Variants in THBS1 observed in about 807,000 individuals in gnomAD.
THBS1 encodes thrombospondin 1, also known as thrombospondin-1.
Under a neutral mutation model 126.1 loss-of-function variants are expected in THBS1, and 29 were observed. The ratio of observed to expected loss-of-function variants is 0.23; its 90% CI spans 0.17 to 0.31. THBS1 has a LOEUF of 0.31. Among genes scored for constraint, THBS1 ranks in the 10% least tolerant of loss-of-function variants. The pLI is 1.00. For synonymous variants in THBS1, 496 were observed against 577.8 expected (o/e 0.86, Z 2.03); for missense variants, 1,198 against 1,545.2 (o/e 0.78, Z 3.77).
intron 14 of THBS1, chr15:39,590,863 T>C (rs1010008413): frequency 1.8e-6 from 1 of 544,406 alleles, no homozygotes; most frequent in African/African-American, 1.9e-5. Context: ...GAAATTATAA[T>C]GCATAAACAA....
rs1890489592 is a variant in THBS1 at position 39,597,341 on chromosome 15, T to C, written c.*1972T>C. ...ATTTTTACTATTTGCCAATACCTTTTTCTAGGAATGTGCTTTTTTTTGTAC... is the reference window on the plus strand; with the variant it reads ...ATTTTTACTATTTGCCAATACCTTTCTCTAGGAATGTGCTTTTTTTTGTAC... On this transcript the variant is annotated 3_prime_UTR_variant, in exon 22 of 22. Transcript: ENST00000260356. 6.6e-6 allele frequency: 1 copy of C among 151,170 alleles called. No individual in the cohort carries two copies. Among genetic ancestry groups the C allele is most frequent in the Admixed American group, 6.6e-5 (1 of 15,210 alleles). 9.4% of individuals were successfully genotyped at this position (151,170 alleles called of 1,614,324 possible).
chr15:39,591,821 G>A (rs1382281421), intron 16 of THBS1, among the ~76,000 whole-genome samples, 198 bp downstream of exon 16: 2 of 152,164 alleles, frequency 1.3e-5, no homozygotes, highest in Admixed American at 1.3e-4. Flanking sequence ...CAGATCTTTA[G>A]CATGAAGATC....
intron 10 of THBS1, 107 bp downstream of exon 10, chr15:39,588,806 G>T (rs941724387): frequency 1.3e-6 from 2 of 1,563,938 alleles, no homozygotes; most frequent in Non-Finnish European, 1.7e-6. Flanking sequence ...TGAGCGATTT[G>T]ATTGCTCTAA....
chr15:39,586,078 C>T (rs1378906323), intron 7 of THBS1, among the ~76,000 whole-genome samples: 4 of 152,148 alleles, frequency 2.6e-5, no homozygotes, highest in East Asian at 1.9e-4. Flanking sequence ...TTCCATGGCA[C>T]GTTATCCCTG....
chr15:39,582,164 C>A, intron 2 of THBS1, 29 bp from the exon 3 acceptor site: 4 of 1,556,724 alleles, frequency 2.6e-6, no homozygotes, highest in Non-Finnish European at 3.5e-6. Flanking sequence ...GCCTAGAAAG[C>A]TCACTTTGTG....
At chr15:39,591,722 A>G (rs1211942659) in intron 16 of THBS1, 99 bp downstream of exon 16, 1 of 1,131,778 alleles carries the variant, frequency 8.8e-7, no homozygotes, top group Non-Finnish European at 1.3e-6. Flanking sequence ...AAACACTTTC[A>G]TTACTGTGGC....
At chr15:39,585,323 G>A (rs1346695779) in intron 6 of THBS1, 147 bp from the exon 7 acceptor site, 1 of 678,150 alleles carries the variant, frequency 1.5e-6, no homozygotes, top group Non-Finnish European at 2.6e-6. Flanking sequence ...CTGCAAATAT[G>A]ACAGAGACAG....
At chr15:39,585,386 T>C in intron 6 of THBS1, 84 bp from the exon 7 acceptor site, 1 of 1,278,382 alleles carries the variant, frequency 7.8e-7, no homozygotes. Context: ...ATGTTTTGGC[T>C]TGTAAAGGAA....
chr15:39,585,497 T>C lies in THBS1; in HGVS notation c.1054T>C (p.Ser352Pro). The change falls in exon 7 of 22, where the codon TCC becomes CCC. Residue 352 changes from serine to proline, a missense_variant. By Grantham distance (74) the Ser-to-Pro change is moderately conservative. Coordinates refer to ENST00000260356, the MANE Select transcript of THBS1 (RefSeq NM_003246.4). ...QNSVTICKKV[S>P]CPIMPCSNAT... ...CTCAGTTACCATCTGCAAAAAGGTG[T>C]CCTGCCCCATCATGCCCTGCTCCAA... 6.2e-7 allele frequency: 1 copy of C among 1,614,178 alleles called. No individual in the cohort carries two copies. The highest frequency in any genetic ancestry group is 8.5e-7 in the Non-Finnish European group (1 of 1,180,028).
chr15:39,585,455 T>C lies in THBS1; in HGVS notation c.1027-15T>C, dbSNP rs1340611806. ...GCTCAGCAGCCTGTTCCCCTCTCAC[T>C]CTCTTGCCCTGCAGAACTCAGTTAC... On this transcript the variant is annotated splice_polypyrimidine_tract_variant and intron_variant, in intron 6 of 21. Coordinates refer to ENST00000260356, the MANE Select transcript of THBS1 (RefSeq NM_003246.4). 4.3e-6 allele frequency: 7 copies of C among 1,612,834 alleles called. No individual in the cohort carries two copies. The African/African-American group carries it at 9.3e-5, about 22-fold the overall frequency.
intron 3 of THBS1, 73 bp downstream of exon 3, chr15:39,582,825 G>A (rs1595506405): frequency 6.8e-7 from 1 of 1,481,118 alleles, no homozygotes; most frequent in East Asian, 2.3e-5. Flanking sequence ...AGGGCTACAG[G>A]AAATCCTGTC....
In THBS1 at chr15:39,595,428, G is replaced by T; in HGVS notation, c.*59G>T. 1.3e-6 allele frequency: 2 copies of T among 1,484,858 alleles called. No individual in the cohort carries two copies. Among genetic ancestry groups the T allele is most frequent in the South Asian group, 1.5e-5 (1 of 66,246 alleles). 92.0% of individuals were successfully genotyped at this position (1,484,858 alleles called of 1,614,324 possible). ...ACCAATGCTGGTATTGCACCTTCTG[G>T]AACTATGGGCTTGAGAAAACCCCCA... is the stretch of plus-strand genomic sequence containing the variant. On this transcript the variant is annotated 3_prime_UTR_variant, in exon 22 of 22. Coordinates refer to ENST00000260356, the MANE Select transcript of THBS1 (RefSeq NM_003246.4).
rs1188035821 is a variant in THBS1 at position 39,599,139 on chromosome 15, C to T, written c.*3770C>T. On this transcript the variant is annotated 3_prime_UTR_variant, in exon 22 of 22. Transcript: ENST00000260356. ...GGGGTTTCACCTTGTTCCGGACAAA[C>T]ACTAAGCCCTAAAGGGAAATCCAAA... 2 of 152,112 alleles carry T rather than the reference C, an allele frequency of 1.3e-5. No individual in the cohort carries two copies. The highest frequency in any genetic ancestry group is 2.9e-5 in the Non-Finnish European group (2 of 68,002). 9.4% of individuals were successfully genotyped at this position (152,112 alleles called of 1,614,324 possible).
intron 14 of THBS1, 63 bp downstream of exon 14, chr15:39,590,686 G>A: frequency 7.3e-7 from 1 of 1,377,712 alleles, no homozygotes; most frequent in Non-Finnish European, 1.0e-6. Flanking sequence ...AAACACTTTG[G>A]GATTCAAGGA....
In THBS1 at chr15:39,595,886, C is replaced by T. The variant is rs1227476829; in HGVS notation, c.*517C>T. On this transcript the variant is annotated 3_prime_UTR_variant, in exon 22 of 22. Coordinates refer to ENST00000260356, the MANE Select transcript of THBS1 (RefSeq NM_003246.4). ...TGAAGAAAATATGGAGGAACTGTTACATGTTCGGTACTAAGTCATTTTCAG... is the reference window on the plus strand; with the variant it reads ...TGAAGAAAATATGGAGGAACTGTTATATGTTCGGTACTAAGTCATTTTCAG... 2.4e-5 allele frequency: 11 copies of T among 456,242 alleles called. No individual in the cohort carries two copies. The highest frequency in any genetic ancestry group is 4.0e-5 in the Non-Finnish European group (9 of 227,038). 28.3% of individuals were successfully genotyped at this position (456,242 alleles called of 1,614,324 possible). A position where few individuals can be genotyped will look rare whatever the true frequency, so the allele number is the denominator to read the frequency against.
In THBS1 at chr15:39,593,025, A is replaced by C. The variant is rs1411250666; in HGVS notation, c.2793A>C (p.Lys931Asn). The stretch of plus-strand genomic sequence containing the variant: ...GCGATGGTCGAGGTGATGCCTGCAA[A>C]GATGATTTTGACCATGACAGTGTGC... ...SDGDGRGDAC[K>N]DDFDHDSVPD... Residue 931 changes from lysine to asparagine, a missense_variant, in exon 18 of 22, where the codon AAA becomes AAC. This residue lies in a region of THBS1 where 255 missense variants were observed against 373.9 expected (regional missense o/e 0.68). Transcript: ENST00000260356. This position sits in a 1 kb window ranked among gnomAD's most constrained non-coding sequence, Gnocchi z 5.9. 6.2e-7 allele frequency: 1 copy of C among 1,613,190 alleles called. No individual in the cohort carries two copies. The highest frequency in any genetic ancestry group is 1.1e-5 in the South Asian group (1 of 90,926).
chr15:39,584,414 C>T lies in THBS1; in HGVS notation c.1018C>T (p.His340Tyr). The T allele has an allele frequency of 6.2e-7, 1 of 1,614,174 alleles. No homozygotes were observed. Among genetic ancestry groups the T allele is most frequent in the Non-Finnish European group, 8.5e-7 (1 of 1,180,028 alleles). ...GACTGTTGATAGCTGCACTGAGTGT[C>T]ACTGTCAGGTAAGGGACCTTCACCA... is the stretch of plus-strand genomic sequence containing the variant. ...EWTVDSCTEC[H>Y]CQNSVTICKK... Residue 340 changes from histidine to tyrosine, a missense_variant, in exon 6 of 22, where the codon CAC (histidine) becomes TAC (tyrosine). Coordinates refer to ENST00000260356, the MANE Select transcript of THBS1 (RefSeq NM_003246.4).
intron 6 of THBS1, among the ~76,000 whole-genome samples, chr15:39,584,806 T>C (rs145592174): frequency 1.4e-4 from 22 of 152,284 alleles, no homozygotes; most frequent in African/African-American, 4.6e-4. Flanking sequence ...ACAGTAGCAA[T>C]TGTTTTTCAA....
Position 39,587,428 on chromosome 15 carries a change from A to G in THBS1, c.1202A>G (p.Gln401Arg), listed in dbSNP as rs1255677932. Residue 401 changes from glutamine (Q) to arginine (R), a missense_variant, in exon 8 of 22, where the codon CAG becomes CGG. Gln to Arg is a conservative substitution (Grantham distance 43). This residue lies in a region of THBS1 where 663 missense variants were observed against 860.1 expected (regional missense o/e 0.77). Coordinates refer to ENST00000260356, the MANE Select transcript of THBS1 (RefSeq NM_003246.4). ...CSTSCGNGIQ[Q>R]RGRSCDSLNN... The stretch of plus-strand genomic sequence containing the variant: ...ACGAGCTGTGGCAATGGAATTCAGC[A>G]GCGCGGCCGCTCCTGCGATAGCCTC... 4 of 1,613,876 alleles carry G rather than the reference A, an allele frequency of 2.5e-6. No individual in the cohort carries two copies. The highest frequency in any genetic ancestry group is 3.4e-6 in the Non-Finnish European group (4 of 1,180,034).
Sources: gnomAD v4.1 joint callset for allele counts (sites outside exome capture counted in the v4.1 genomes callset) on GRCh38, gnomAD v4.1.1 for gene constraint, gnomAD v4.1.1 regional missense constraint, Gnocchi (gnomAD v3.1) non-coding constraint, MANE v1.5 for transcripts, NCBI Gene and HGNC (gene_info 2026-07-23, HGNC 2026-07-21) for gene names.